Variants in GPC5 observed in about 807,000 individuals in gnomAD.
The protein encoded by GPC5 is glypican 5, also known as glypican-5.
In GPC5, 47 loss-of-function variants were observed where a neutral mutation model predicts 53.9. That is an observed-to-expected ratio of 0.87 (90% CI 0.69 to 1.11). GPC5 has a LOEUF of 1.11. Ranked by LOEUF, GPC5 falls within the 50% of genes most tolerant of loss-of-function variation. GPC5 has a pLI of 0.00. For missense variants in GPC5, 748 were observed against 713.1 expected (o/e 1.05, Z -0.56); for synonymous variants, 286 against 263.3 (o/e 1.09, Z -0.84).
intron 2 of GPC5, among the ~76,000 whole-genome samples, chr13:91,653,792 C>G (rs2139571661): frequency 6.6e-6 from 1 of 152,060 alleles, no homozygotes; most frequent in East Asian, 1.9e-4. Flanking sequence ...GAATTTTTAA[C>G]AGCTTTCAGG....
At chr13:92,082,765 ACTT>A (rs1328405954) in intron 6 of GPC5, among the ~76,000 whole-genome samples, 1 of 152,164 alleles carries the variant, frequency 6.6e-6, no homozygotes, top group Non-Finnish European at 1.5e-5. Context: ...TCTGCCAAAT[ACTT>A]CTGATATGTC....
At chr13:92,751,221 C>A (rs1036840011) in intron 7 of GPC5, among the ~76,000 whole-genome samples, 3 of 139,306 alleles carry the variant, frequency 2.2e-5, no homozygotes, top group Non-Finnish European at 4.6e-5. Flanking sequence ...TGTTTTTTGC[C>A]TGTGACAATG....
chr13:92,598,158 G>A (rs1481939922), intron 7 of GPC5, among the ~76,000 whole-genome samples: 1 of 152,136 alleles, frequency 6.6e-6, no homozygotes, highest in African/African-American at 2.4e-5. Context: ...GATATTTTAT[G>A]AAAATAAAAT....
chr13:92,312,594 G>C (rs1204628971), intron 7 of GPC5, among the ~76,000 whole-genome samples: 12 of 152,016 alleles, frequency 7.9e-5, no homozygotes, highest in Admixed American at 7.9e-4. Flanking sequence ...TTGATTAATA[G>C]TTGAATGAAA....
In GPC5 at chr13:91,728,629, C is replaced by G. The variant is rs140775585; in HGVS notation, c.1118C>G (p.Thr373Arg). ...GAGAAGCATGGAATGAAGACCACCA[C>G]AAGGAACAGTGAAGAGACGCTTGCC... Reference protein sequence around the residue: ...SKEKHGMKTTTRNSEETLANR... With the variant: ...SKEKHGMKTTRRNSEETLANR... The change falls in exon 4 of 8, where the codon ACA (threonine) becomes AGA (arginine). Residue 373 changes from threonine (T) to arginine (R), a missense_variant. Transcript: ENST00000377067. The G allele has an allele frequency of 5.0e-6, 8 of 1,612,934 alleles. No individual in the cohort carries two copies. In the African/African-American group the frequency reaches 8.0e-5, roughly 16 times the overall value.
At chr13:92,194,290 C>T (rs1209375561) in intron 7 of GPC5, among the ~76,000 whole-genome samples, 3 of 152,268 alleles carry the variant, frequency 2.0e-5, no homozygotes, top group Middle Eastern at 3.4e-3. Context: ...TGAGTACCTC[C>T]GACTCCAGAG....
At chr13:92,116,275 A>C (rs142815277) in intron 6 of GPC5, among the ~76,000 whole-genome samples, 135,729 of 149,614 alleles carry the variant, frequency 0.91, 62,690 homozygotes, top group Non-Finnish European at 0.99. Flanking sequence ...ACAAACAAAA[A>C]AAAAAAAACA....
At position 92,220,581 on chromosome 13, in the gene GPC5, C is replaced by A; in HGVS notation, c.1561+75592C>A. On this transcript the variant is annotated intron_variant, in intron 7 of 7. Transcript: ENST00000377067. ...GAAGTAAACTTAACTATACAGGCAA[C>A]AGGAAAGGCAAATTTAGAGACTGTG... Among the ~76,000 whole-genome samples the A allele has an allele frequency of 1.3e-5, 2 of 152,122 alleles. 1 individual carries two copies. Among genetic ancestry groups the A allele is most frequent in the Non-Finnish European group, 2.9e-5 (2 of 68,010 alleles).
rs549655469 is a variant in GPC5, at chr13:92,585,022, AG to A, written c.1562-281253del. Among the ~76,000 whole-genome samples, 11 of 152,060 alleles carry A rather than the reference AG, an allele frequency of 7.2e-5. No individual in the cohort carries two copies. The South Asian group carries it at 1.0e-3, about 14-fold the overall frequency. Reference sequence around the variant, plus strand: ...CAAAAGTTTGCTGGTGGAGGGGGTAAGGGGGGGCTCATGGAGAACTTCCGCT... The same window carrying A: ...CAAAAGTTTGCTGGTGGAGGGGGTAAGGGGGGCTCATGGAGAACTTCCGCT... On this transcript the variant is annotated intron_variant, in intron 7 of 7. Coordinates refer to ENST00000377067, the MANE Select transcript of GPC5 (RefSeq NM_004466.6).
At chr13:92,139,680 A>AAAAAGTG (rs2041815298) in intron 6 of GPC5, among the ~76,000 whole-genome samples, 2 of 140,808 alleles carry the variant, frequency 1.4e-5, no homozygotes, top group Non-Finnish European at 3.1e-5. Flanking sequence ...AAAAAAAAAA[A>AAAAAGTG]AAAAAGTGTT....
intron 2 of GPC5, among the ~76,000 whole-genome samples, chr13:91,482,898 G>A (rs1464682718): frequency 6.6e-6 from 1 of 151,082 alleles, no homozygotes; most frequent in Non-Finnish European, 1.5e-5. Context: ...ATTATTGGCA[G>A]CTCTATAAAT....
intron 7 of GPC5, among the ~76,000 whole-genome samples, chr13:92,158,282 G>A (rs917548739): frequency 9.2e-5 from 14 of 152,160 alleles, no homozygotes; most frequent in African/African-American, 2.7e-4. Flanking sequence ...CAATGCAGAA[G>A]CCTATATATA....
chr13:92,787,989 A>T (rs1483903542), intron 7 of GPC5, among the ~76,000 whole-genome samples: 1 of 152,060 alleles, frequency 6.6e-6, no homozygotes, highest in African/African-American at 2.4e-5. Flanking sequence ...AATATTAAAG[A>T]ATGAGGATTT....
intron 6 of GPC5, among the ~76,000 whole-genome samples, chr13:92,132,949 A>G (rs1166276251): frequency 1.1e-4 from 16 of 152,144 alleles, no homozygotes; most frequent in Admixed American, 5.9e-4. Context: ...ACATATTAGA[A>G]TTGAAAATTT....
At chr13:92,440,090 A>G (rs1435107523) in intron 7 of GPC5, among the ~76,000 whole-genome samples, 1 of 152,196 alleles carries the variant, frequency 6.6e-6, no homozygotes, top group Non-Finnish European at 1.5e-5. Flanking sequence ...ATGGGACAAG[A>G]CAATGTTTTC....
intron 2 of GPC5, among the ~76,000 whole-genome samples, chr13:91,638,315 ATG>A (rs1259312061): frequency 1.3e-5 from 2 of 151,766 alleles, no homozygotes; most frequent in African/African-American, 4.8e-5. Flanking sequence ...TCTATTGCCA[ATG>A]CCTTTTACTA....
At chr13:92,577,093 A>G (rs1421845475) in intron 7 of GPC5, among the ~76,000 whole-genome samples, 1 of 152,316 alleles carries the variant, frequency 6.6e-6, no homozygotes, top group African/African-American at 2.4e-5. Context: ...AAGCTATAAA[A>G]GTTCACCTAC....
At chr13:92,806,507 T>TC (rs1877105907) in intron 7 of GPC5, among the ~76,000 whole-genome samples, 1 of 152,128 alleles carries the variant, frequency 6.6e-6, no homozygotes, top group Non-Finnish European at 1.5e-5. Context: ...TTCTGGCCTA[T>TC]CATAGCTTTC....
intron 7 of GPC5, among the ~76,000 whole-genome samples, chr13:92,584,874 A>G (rs1349054002): frequency 6.6e-6 from 1 of 152,262 alleles, no homozygotes; most frequent in Non-Finnish European, 1.5e-5. Context: ...AGAAGGTGGA[A>G]GCCCGAAGCC....
Sources: allele counts gnomAD v4.1 joint callset (sites outside exome capture counted in the v4.1 genomes callset), GRCh38; gene constraint gnomAD v4.1.1; transcripts MANE v1.5; gene names NCBI Gene and HGNC (gene_info 2026-07-23, HGNC 2026-07-21).